NCOA1: variants seen among roughly 807,000 people sequenced by gnomAD.
NCOA1 encodes the protein nuclear receptor coactivator 1.
NCOA1 carries 35 observed loss-of-function variants against 150.9 expected under a neutral mutation model. That is an observed-to-expected ratio of 0.23 (90% CI 0.18 to 0.31). The LOEUF (loss-of-function observed/expected upper bound fraction) is 0.31, where lower values mean the gene tolerates loss of function less well. Among genes scored for constraint, NCOA1 ranks in the 10% least tolerant of loss-of-function variants. The pLI, the probability that NCOA1 is intolerant of heterozygous loss-of-function variation, is 1.00. For missense variants in NCOA1, 1,491 were observed against 1,749.3 expected (o/e 0.85, Z 2.63); for synonymous variants, 590 against 630.0 (o/e 0.94, Z 0.95).
At chr2:24,683,230 A>C in intron 8 of NCOA1, 102 bp downstream of exon 8, 1 of 653,578 alleles carries the variant, frequency 1.5e-6, no homozygotes. Context: ...ACACAGTATT[A>C]TATATGTTAT....
chr2:24,645,510 G>GAA (rs397873594), intron 4 of NCOA1, among the ~76,000 whole-genome samples: 94 of 73,258 alleles, frequency 1.3e-3, no homozygotes, highest in East Asian at 2.3e-3. Flanking sequence ...ACTCCTCTCA[G>GAA]AAAAAAAAAA....
At position 24,639,918 on chromosome 2, in the gene NCOA1, AT is replaced by A. The variant is rs1670116000; in HGVS notation, c.-174-4047del. ...AAAAAAAAAAAGTATGTGTGTGTGT[AT>A]ATATATATATATATATATATATATA... On this transcript the variant is annotated intron_variant, in intron 3 of 22. Transcript: ENST00000348332. 7.2e-4 allele frequency among the ~76,000 whole-genome samples: 2 copies of A among 2,774 alleles called. 1 individual carries two copies. The highest frequency in any genetic ancestry group is 2.2e-3 in the African/African-American group (2 of 916). The allele number at this position is 2,774 out of a possible 152,430, so 1.8% of individuals were successfully genotyped here.
chr2:24,514,708 G>A (rs947099551), intron 1 of NCOA1, among the ~76,000 whole-genome samples: 6 of 151,914 alleles, frequency 3.9e-5, no homozygotes, highest in Admixed American at 3.9e-4. Context: ...AGCTTGGGAG[G>A]TCGAGACTGC....
At chr2:24,598,542 T>C (rs1667975653) in intron 3 of NCOA1, among the ~76,000 whole-genome samples, 1 of 152,164 alleles carries the variant, frequency 6.6e-6, no homozygotes, top group Non-Finnish European at 1.5e-5. Context: ...GTATGCATGC[T>C]GTGCATATAT....
At chr2:24,503,733 GTTT>G (rs72387328) in intron 1 of NCOA1, among the ~76,000 whole-genome samples, 5 of 132,080 alleles carry the variant, frequency 3.8e-5, no homozygotes, top group Admixed American at 7.5e-5. Flanking sequence ...ACTTGTCTCT[GTTT>G]TTTTTTTTTT....
Position 24,758,140 on chromosome 2 carries a change from C to T in NCOA1, c.4049C>T (p.Thr1350Ile). The T allele has an allele frequency of 3.1e-6, 5 of 1,613,100 alleles. No individual in the cohort carries two copies. Among genetic ancestry groups the T allele is most frequent in the Non-Finnish European group, 4.2e-6 (5 of 1,179,244 alleles). Residue 1350 changes from threonine (T) to isoleucine (I), a missense_variant, in exon 21 of 23, where the codon ACT (threonine) becomes ATT (isoleucine). Transcript: ENST00000348332. ...TCTTTGCAGATGCCAGGAATGAACA[C>T]TGTGTGCCCTGAGCAGGTAAGTGGC... Reference protein sequence around the residue: ...MSSLQMPGMNTVCPEQINDPA... With the variant: ...MSSLQMPGMNIVCPEQINDPA...
At chr2:24,510,079 C>T (rs1463715278) in intron 1 of NCOA1, among the ~76,000 whole-genome samples, 1 of 152,190 alleles carries the variant, frequency 6.6e-6, no homozygotes, top group Admixed American at 6.5e-5. Flanking sequence ...GACGGAGTTT[C>T]ACTCTTGTCA....
At chr2:24,713,284 AT>A (rs1286224449) in intron 14 of NCOA1, among the ~76,000 whole-genome samples, 3 of 151,834 alleles carry the variant, frequency 2.0e-5, no homozygotes, top group Non-Finnish European at 4.4e-5. Context: ...ATTTAAAAAA[AT>A]AAAAGAATTA....
chr2:24,497,038 T>C (rs1454315799), intron 1 of NCOA1, among the ~76,000 whole-genome samples: 4 of 152,220 alleles, frequency 2.6e-5, no homozygotes, highest in Non-Finnish European at 5.9e-5. Context: ...CAAATATTTA[T>C]TGAGTGTTGT....
intron 19 of NCOA1, 136 bp from the exon 20 acceptor site, chr2:24,751,846 T>C (rs2148679641): frequency 1.2e-6 from 1 of 840,264 alleles, no homozygotes; most frequent in Non-Finnish European, 1.8e-6. Flanking sequence ...TTTGTAAATA[T>C]ATTGCCTGAC....
At chr2:24,704,121 A>G (rs999724334) in intron 11 of NCOA1, among the ~76,000 whole-genome samples, 2 of 152,184 alleles carry the variant, frequency 1.3e-5, no homozygotes, top group African/African-American at 4.8e-5. Flanking sequence ...TGTTCCTTAT[A>G]CTAATAACCA....
At position 24,770,014 on chromosome 2, in the gene NCOA1, A is replaced by G. The variant is rs1301823040; in HGVS notation, c.*1623A>G. 8.8e-6 allele frequency: 2 copies of G among 227,990 alleles called. No individual in the cohort carries two copies. Among genetic ancestry groups the G allele is most frequent in the Non-Finnish European group, 1.7e-5 (2 of 114,630 alleles). The allele number at this position is 227,990 out of a possible 1,614,324, so 14.1% of individuals were successfully genotyped here. A position where few individuals can be genotyped will look rare whatever the true frequency, so the allele number is the denominator to read the frequency against. On this transcript the variant is annotated 3_prime_UTR_variant, in exon 23 of 23. Coordinates refer to ENST00000348332, the MANE Select transcript of NCOA1 (RefSeq NM_003743.5). Reference sequence around the variant, plus strand: ...CCCCAGGTCCTTCCTTCTGCATCTCACCACCCCTAGTTACAAATAACTCCA... The same window carrying G: ...CCCCAGGTCCTTCCTTCTGCATCTCGCCACCCCTAGTTACAAATAACTCCA...
intron 3 of NCOA1, among the ~76,000 whole-genome samples, chr2:24,587,590 T>G (rs1159785387): frequency 1.3e-5 from 2 of 152,250 alleles, no homozygotes; most frequent in African/African-American, 4.8e-5. Flanking sequence ...GTGCATATAC[T>G]GGCCTCTTGT....
intron 1 of NCOA1, among the ~76,000 whole-genome samples, chr2:24,551,749 T>G (rs950748351): frequency 6.6e-6 from 1 of 152,240 alleles, no homozygotes; most frequent in African/African-American, 2.4e-5. Context: ...GATTTTCTTC[T>G]ATGTTTTCCT....
At chr2:24,516,646 T>C (rs1664181615) in intron 1 of NCOA1, among the ~76,000 whole-genome samples, 1 of 151,774 alleles carries the variant, frequency 6.6e-6, no homozygotes, top group African/African-American at 2.4e-5. Flanking sequence ...TTAAGAATTT[T>C]TTTAACTTGG....
chr2:24,653,310 A>G (rs1169173540), intron 4 of NCOA1, among the ~76,000 whole-genome samples: 2 of 152,104 alleles, frequency 1.3e-5, no homozygotes, highest in African/African-American at 4.8e-5. Flanking sequence ...AAAATAATAG[A>G]TCTTTACTTT....
chr2:24,677,419 G>T (rs1671966568), intron 7 of NCOA1, among the ~76,000 whole-genome samples: 1 of 152,008 alleles, frequency 6.6e-6, no homozygotes, highest in South Asian at 2.1e-4. Flanking sequence ...GGATGTTTTT[G>T]TTTGGTTGGT....
At chr2:24,620,584 G>A (rs1465406677) in intron 3 of NCOA1, among the ~76,000 whole-genome samples, 1 of 152,046 alleles carries the variant, frequency 6.6e-6, no homozygotes, top group Non-Finnish European at 1.5e-5. Context: ...ACTCCAGCTT[G>A]GGCAGCAAGA....
chr2:24,746,861 T>TG (rs1227794044), intron 19 of NCOA1, among the ~76,000 whole-genome samples: 1 of 152,142 alleles, frequency 6.6e-6, no homozygotes, highest in Non-Finnish European at 1.5e-5. Flanking sequence ...CTATAGACTC[T>TG]GGGGTAGTTG....
Sources: allele counts gnomAD v4.1 joint callset (sites outside exome capture counted in the v4.1 genomes callset), GRCh38; gene constraint gnomAD v4.1.1; transcripts MANE v1.5; gene names NCBI Gene and HGNC (gene_info 2026-07-23, HGNC 2026-07-21).